Variants in RGS5 observed in about 807,000 individuals in gnomAD.
RGS5 encodes regulator of G protein signaling 5.
In RGS5, 20 loss-of-function variants were observed where a neutral mutation model predicts 18.9. The observed-to-expected ratio is 1.06, with a 90% CI of 0.74 to 1.54. RGS5 has a LOEUF of 1.54. RGS5 is among the 40% of genes most tolerant of loss of function. The probability of loss-of-function intolerance (pLI) is 0.00; values close to 1 mark genes in which losing one functional copy is unlikely to be tolerated. For missense variants in RGS5, 201 were observed against 211.8 expected, an observed-to-expected ratio of 0.95 and a Z score of 0.32; for synonymous variants, 57 against 76.2, an observed-to-expected ratio of 0.75 and a Z score of 1.31.
chr1:163,314,816 C>T (rs545774131), intron 1 of RGS5, among the ~76,000 whole-genome samples: 1 of 152,220 alleles, frequency 6.6e-6, no homozygotes, highest in Admixed American at 6.5e-5. Flanking sequence ...TCATGCCTTC[C>T]ATTATGCGAG....
intron 2 of RGS5, among the ~76,000 whole-genome samples, chr1:163,303,979 C>A (rs1382292265): frequency 6.6e-6 from 1 of 152,162 alleles, no homozygotes; most frequent in Admixed American, 6.5e-5. Flanking sequence ...TCCCCCAACC[C>A]ATCCCATGGA....
intron 1 of RGS5, among the ~76,000 whole-genome samples, chr1:163,189,095 A>G (rs1313018724): frequency 6.6e-6 from 1 of 152,160 alleles, no homozygotes; most frequent in East Asian, 1.9e-4. Flanking sequence ...GCCACGTGGG[A>G]CTGTCTTGTG....
chr1:163,230,567 A>T (rs1407969550), intron 2 of RGS5, among the ~76,000 whole-genome samples: 1 of 152,210 alleles, frequency 6.6e-6, no homozygotes, highest in Non-Finnish European at 1.5e-5. Context: ...CTGACTATTA[A>T]TGAAGGCTGT....
intron 1 of RGS5, among the ~76,000 whole-genome samples, chr1:163,313,908 T>G (rs1219303591): frequency 1.3e-5 from 2 of 152,146 alleles, no homozygotes; most frequent in Non-Finnish European, 2.9e-5. Context: ...CTAACATTAA[T>G]TACTTGGGTT....
At chr1:163,261,982 G>T (rs2101706146) in intron 2 of RGS5, among the ~76,000 whole-genome samples, 1 of 151,976 alleles carries the variant, frequency 6.6e-6, no homozygotes, top group South Asian at 2.1e-4. Flanking sequence ...CTAGGACAAT[G>T]ATATTCTTGA....
chr1:163,314,665 C>T (rs1449979539), intron 1 of RGS5, among the ~76,000 whole-genome samples: 1 of 152,086 alleles, frequency 6.6e-6, no homozygotes, highest in Non-Finnish European at 1.5e-5. Flanking sequence ...ATATTTGTGT[C>T]TCCCCAAAAT....
chr1:163,218,202 T>C (rs1263176715), upstream of RGS5, among the ~76,000 whole-genome samples: 1 of 152,160 alleles, frequency 6.6e-6, no homozygotes, highest in Non-Finnish European at 1.5e-5. Context: ...GTTGATAAAA[T>C]TGAAAGCATA....
chr1:163,235,866 G>A (rs2101687496), intron 2 of RGS5, among the ~76,000 whole-genome samples: 1 of 152,184 alleles, frequency 6.6e-6, no homozygotes, highest in African/African-American at 2.4e-5. Context: ...TTTTGGGCAG[G>A]TTTCTCTCTA....
intron 1 of RGS5, among the ~76,000 whole-genome samples, chr1:163,175,800 AT>A (rs1313273537): frequency 1.3e-5 from 2 of 152,226 alleles, no homozygotes; most frequent in African/African-American, 4.8e-5. Flanking sequence ...ATGATACATG[AT>A]GGAAAATGAC....
chr1:163,303,794 C>T, intron 2 of RGS5, among the ~76,000 whole-genome samples: 1 of 152,146 alleles, frequency 6.6e-6, no homozygotes, highest in East Asian at 1.9e-4. Flanking sequence ...ATGAGATCAG[C>T]TGCACATTTG....
chr1:163,203,716 A>AGAC (rs1222144381), upstream of RGS5, among the ~76,000 whole-genome samples: 3 of 152,164 alleles, frequency 2.0e-5, no homozygotes, highest in Admixed American at 6.5e-5. Context: ...TCTTCTGATT[A>AGAC]TACTTTGCTT....
intron 1 of RGS5, among the ~76,000 whole-genome samples, chr1:163,217,259 T>A (rs1660240529): frequency 6.6e-6 from 1 of 152,044 alleles, no homozygotes; most frequent in South Asian, 2.1e-4. Context: ...ATAAAAAGAC[T>A]CAGCTGTTCA....
At chr1:163,156,498 G>A (rs541530575) in intron 3 of RGS5, among the ~76,000 whole-genome samples, 1 of 152,258 alleles carries the variant, frequency 6.6e-6, no homozygotes, top group South Asian at 2.1e-4. Context: ...TATGAGAGAA[G>A]CAGTCACTTT....
At chr1:163,303,796 G>A (rs938975225) in intron 2 of RGS5, among the ~76,000 whole-genome samples, 1 of 152,134 alleles carries the variant, frequency 6.6e-6, no homozygotes, top group African/African-American at 2.4e-5. Flanking sequence ...GAGATCAGCT[G>A]CACATTTGAT....
chr1:163,232,207 G>A (rs1388082816), intron 2 of RGS5, among the ~76,000 whole-genome samples: 1 of 152,158 alleles, frequency 6.6e-6, no homozygotes, highest in Non-Finnish European at 1.5e-5. Context: ...AGAAGGCTAA[G>A]GGATGAAGAT....
rs899127963 is a variant in RGS5 at position 163,174,096 on chromosome 1, C to G, written c.45-5728G>C. Among the ~76,000 whole-genome samples the G allele has an allele frequency of 6.6e-5, 10 of 152,140 alleles. No homozygotes were observed. In the South Asian group the frequency reaches 2.1e-3, roughly 32 times the overall value. ...ATCTCTAAATAAATAAATAAACAAA[C>G]AAACAAACATAGACTGTAACCTCAA... On this transcript the variant is annotated intron_variant, in intron 1 of 4. Transcript: ENST00000313961.
chr1:163,254,441 A>G (rs1422102187), intron 2 of RGS5, among the ~76,000 whole-genome samples: 2 of 152,004 alleles, frequency 1.3e-5, no homozygotes, highest in African/African-American at 4.8e-5. Flanking sequence ...TGGCTGCATA[A>G]ATGTCTTCTT....
chr1:163,172,361 A>G (rs1658342555), intron 1 of RGS5, among the ~76,000 whole-genome samples: 1 of 152,234 alleles, frequency 6.6e-6, no homozygotes, highest in Non-Finnish European at 1.5e-5. Context: ...TGAAAACACC[A>G]TTTATAAATG....
chr1:163,318,486 A>G (rs752283193), intron 1 of RGS5, among the ~76,000 whole-genome samples: 1 of 152,200 alleles, frequency 6.6e-6, no homozygotes, highest in African/African-American at 2.4e-5. Flanking sequence ...CAAAGGACAA[A>G]TTAGAGTTTG....
Sources: allele counts gnomAD v4.1 joint callset (sites outside exome capture counted in the v4.1 genomes callset), GRCh38; gene constraint gnomAD v4.1.1; transcripts MANE v1.5; gene names NCBI Gene and HGNC (gene_info 2026-07-23, HGNC 2026-07-21).